The following SOX5 variants were observed in gnomAD, a reference collection of about 807,000 sequenced individuals.
SOX5 encodes SRY-box transcription factor 5, also known as transcription factor SOX-5.
A neutral mutation model predicts 92.0 loss-of-function variants in SOX5; 9 were observed. That is an observed-to-expected ratio of 0.10 (90% confidence interval 0.06 to 0.17). The LOEUF is 0.17. Ranked by LOEUF, SOX5 falls within the 10% of genes least tolerant of loss-of-function variation. SOX5 has a pLI of 1.00. For synonymous variants in SOX5, 344 were observed against 336.3 expected (o/e 1.02, Z -0.25); for missense variants, 642 against 944.5 (o/e 0.68, Z 4.20).
chr12:23,903,315 G>T (rs1401244434), intron 1 of SOX5, among the ~76,000 whole-genome samples: 1 of 152,136 alleles, frequency 6.6e-6, no homozygotes, highest in Admixed American at 6.5e-5. Context: ...GCTTGGTGTG[G>T]TTGCTCACCC....
At chr12:24,364,563 T>C (rs1955974808) in intron 2 of SOX5, among the ~76,000 whole-genome samples, 1 of 144,948 alleles carries the variant, frequency 6.9e-6, no homozygotes, top group African/African-American at 2.5e-5. Flanking sequence ...AATTTGTTCT[T>C]TATTCTTTAC....
intron 3 of SOX5, among the ~76,000 whole-genome samples, chr12:23,775,956 G>C (rs1319817504): frequency 6.6e-6 from 1 of 152,314 alleles, no homozygotes; most frequent in African/African-American, 2.4e-5. Context: ...CTGTGGGCAG[G>C]GGGAGGGGAG....
At chr12:24,503,974 A>T (rs182234281) in intron 1 of SOX5, among the ~76,000 whole-genome samples, 31 of 148,370 alleles carry the variant, frequency 2.1e-4, no homozygotes, top group East Asian at 6.0e-4. Flanking sequence ...AAGTATAATT[A>T]AAAAAAAAAC....
At chr12:24,472,365 T>C (rs1018526534) in intron 1 of SOX5, among the ~76,000 whole-genome samples, 2 of 152,212 alleles carry the variant, frequency 1.3e-5, no homozygotes, top group Non-Finnish European at 1.5e-5. Flanking sequence ...CCTCAGTGTG[T>C]AATGTGATAG....
chr12:24,510,480 C>A (rs1245538107), intron 1 of SOX5, among the ~76,000 whole-genome samples: 1 of 152,086 alleles, frequency 6.6e-6, no homozygotes, highest in Admixed American at 6.6e-5. Flanking sequence ...TCAAATTAAA[C>A]AACTAAAGGA....
chr12:24,071,651 G>A (rs979286667), intron 4 of SOX5, among the ~76,000 whole-genome samples: 3 of 151,996 alleles, frequency 2.0e-5, no homozygotes, highest in Non-Finnish European at 4.4e-5. Flanking sequence ...AGCCAGGATG[G>A]TCTCGATCTC....
chr12:24,363,086 G>A (rs957882300), intron 2 of SOX5, among the ~76,000 whole-genome samples: 8 of 151,676 alleles, frequency 5.3e-5, no homozygotes, highest in African/African-American at 1.7e-4. Context: ...TAATTATAGA[G>A]CTACTAACTT....
chr12:23,768,726 G>C (rs961279020), intron 3 of SOX5, among the ~76,000 whole-genome samples: 1 of 151,770 alleles, frequency 6.6e-6, no homozygotes, highest in African/African-American at 2.4e-5. Context: ...ATATTTTCAC[G>C]TAAGAAATCT....
At chr12:23,882,948 G>T (rs571474512) in intron 2 of SOX5, among the ~76,000 whole-genome samples, 16 of 152,068 alleles carry the variant, frequency 1.1e-4, no homozygotes, top group Non-Finnish European at 2.1e-4. Flanking sequence ...TTGGAAGGCC[G>T]AGGCAGGTGG....
intron 1 of SOX5, among the ~76,000 whole-genome samples, chr12:24,494,899 A>G (rs1431837844): frequency 6.6e-6 from 1 of 152,206 alleles, no homozygotes; most frequent in Non-Finnish European, 1.5e-5. Flanking sequence ...ATCGCAAAAT[A>G]TAGACAACTG....
chr12:23,869,659 A>AT (rs1162187867), intron 2 of SOX5, among the ~76,000 whole-genome samples: 1 of 152,152 alleles, frequency 6.6e-6, no homozygotes, highest in East Asian at 1.9e-4. Flanking sequence ...AATCAGTTCT[A>AT]TCACTAAGTA....
At chr12:24,319,501 C>T (rs1950010780) in intron 2 of SOX5, among the ~76,000 whole-genome samples, 2 of 152,240 alleles carry the variant, frequency 1.3e-5, no homozygotes, top group South Asian at 4.1e-4. Context: ...TTGATACTAC[C>T]CCCTAACTAT....
intron 11 of SOX5, among the ~76,000 whole-genome samples, chr12:23,546,885 TC>T (rs1943238294): frequency 6.6e-6 from 1 of 152,120 alleles, no homozygotes; most frequent in South Asian, 2.1e-4. Flanking sequence ...GTTGCCATCT[TC>T]CCAAATGCCA....
intron 6 of SOX5, among the ~76,000 whole-genome samples, chr12:23,692,633 C>T (rs2089074658): frequency 1.3e-5 from 2 of 152,130 alleles, no homozygotes; most frequent in South Asian, 2.1e-4. Context: ...TTTCTAAATA[C>T]TTATCTTCTA....
intron 4 of SOX5, among the ~76,000 whole-genome samples, chr12:23,749,987 C>T (rs2094133641): frequency 2.0e-5 from 3 of 151,642 alleles, no homozygotes; most frequent in South Asian, 4.1e-4. Context: ...GTGCTAGGGA[C>T]AGATCTAAGG....
intron 1 of SOX5, among the ~76,000 whole-genome samples, chr12:24,422,200 T>C (rs1966028075): frequency 6.6e-6 from 1 of 152,220 alleles, no homozygotes; most frequent in Non-Finnish European, 1.5e-5. Flanking sequence ...CCACATATCA[T>C]GAGTAGTGTC....
At chr12:24,268,598 C>T (rs571068290) in intron 3 of SOX5, among the ~76,000 whole-genome samples, 6 of 152,048 alleles carry the variant, frequency 3.9e-5, no homozygotes, top group Non-Finnish European at 7.4e-5. Flanking sequence ...GATGTACATC[C>T]AAAGACTACT....
intron 2 of SOX5, 51 bp downstream of exon 2, chr12:23,895,742 G>A: frequency 7.8e-7 from 1 of 1,287,890 alleles, no homozygotes; most frequent in East Asian, 2.3e-5. Context: ...TATTAGAGGA[G>A]TAGACTGGTC....
At chr12:24,338,016 T>C (rs970763648) in intron 2 of SOX5, among the ~76,000 whole-genome samples, 12 of 152,182 alleles carry the variant, frequency 7.9e-5, no homozygotes, top group Non-Finnish European at 1.6e-4. Flanking sequence ...ATTTAAAAAG[T>C]AAAATATCTT....
Sources: gnomAD v4.1 joint callset for allele counts (sites outside exome capture counted in the v4.1 genomes callset) on GRCh38, gnomAD v4.1.1 for gene constraint, MANE v1.5 for transcripts, NCBI Gene and HGNC (gene_info 2026-07-23, HGNC 2026-07-21) for gene names.